Variants in MTHFD2L observed in about 807,000 individuals in gnomAD.
MTHFD2L encodes the protein bifunctional methylenetetrahydrofolate dehydrogenase/cyclohydrolase 2, mitochondrial.
A neutral mutation model predicts 34.9 loss-of-function variants in MTHFD2L; 29 were observed. That is an observed-to-expected ratio of 0.83 (90% confidence interval 0.62 to 1.13). MTHFD2L has a LOEUF of 1.13. Ranked by LOEUF, MTHFD2L falls within the 50% of genes most tolerant of loss-of-function variation. The pLI is 0.00. For missense variants in MTHFD2L, 481 were observed against 446.5 expected (o/e 1.08, Z -0.70); for synonymous variants, 167 against 155.7 (o/e 1.07, Z -0.54).
chr4:74,268,189 T>C lies in MTHFD2L; in HGVS notation c.806-13236T>C, dbSNP rs532943871. On this transcript the variant is annotated intron_variant, in intron 6 of 7. Coordinates refer to ENST00000325278, the MANE Select transcript of MTHFD2L (RefSeq NM_001144978.3). Reference sequence around the variant, plus strand: ...GGGAGAAGACACTGAGGTTTTTGTATTACTAATGTAGGCTCTATTTATCTA... The same window carrying C: ...GGGAGAAGACACTGAGGTTTTTGTACTACTAATGTAGGCTCTATTTATCTA... 1.2e-5 allele frequency: 12 copies of C among 983,270 alleles called. No homozygotes were observed. In the South Asian group the frequency reaches 4.7e-4, roughly 39 times the overall value. The allele number at this position is 983,270 out of a possible 1,614,324, so 60.9% of individuals were successfully genotyped here.
upstream of MTHFD2L, among the ~76,000 whole-genome samples, chr4:74,153,632 T>G (rs1169763087): frequency 6.6e-6 from 1 of 152,174 alleles, no homozygotes; most frequent in African/African-American, 2.4e-5. Flanking sequence ...GAGGAAATAT[T>G]AATAAATAAA....
chr4:74,294,767 T>G (rs1749425717), intron 7 of MTHFD2L, among the ~76,000 whole-genome samples: 1 of 152,118 alleles, frequency 6.6e-6, no homozygotes, highest in African/African-American at 2.4e-5. Context: ...GTCTTCAAGT[T>G]AGAATCAAGT....
At chr4:74,221,438 A>G (rs1738171178) in intron 5 of MTHFD2L, among the ~76,000 whole-genome samples, 1 of 151,694 alleles carries the variant, frequency 6.6e-6, no homozygotes, top group South Asian at 2.1e-4. Context: ...GCTTAAAGGA[A>G]TTCTATTTCT....
Position 74,255,821 on chromosome 4 carries a change from G to A in MTHFD2L, c.806-25604G>A, listed in dbSNP as rs1052711249. Among the ~76,000 whole-genome samples the A allele has an allele frequency of 1.2e-4, 19 of 152,172 alleles. 1 individual carries two copies. The highest frequency in any genetic ancestry group is 2.8e-4 in the Non-Finnish European group (19 of 68,018). The stretch of plus-strand genomic sequence containing the variant: ...AAGCTCTATCCATATTGCTGCAAAG[G>A]ACACTGTTTCATCCTTTTTTTGTGG... On this transcript the variant is annotated intron_variant, in intron 6 of 7. Coordinates refer to ENST00000325278, the MANE Select transcript of MTHFD2L (RefSeq NM_001144978.3).
intron 7 of MTHFD2L, among the ~76,000 whole-genome samples, chr4:74,299,206 A>G (rs903031110): frequency 2.6e-5 from 4 of 151,768 alleles, no homozygotes; most frequent in African/African-American, 9.7e-5. Context: ...GAAATAAATC[A>G]TTTTGTTTTC....
chr4:74,198,525 A>G (rs1199092624), intron 3 of MTHFD2L, among the ~76,000 whole-genome samples: 1 of 152,180 alleles, frequency 6.6e-6, no homozygotes, highest in African/African-American at 2.4e-5. Context: ...TCATTGTAAA[A>G]AATATCCATG....
chr4:74,198,873 G>C (rs928984170), intron 3 of MTHFD2L, among the ~76,000 whole-genome samples: 1 of 5,328 alleles, frequency 1.9e-4, no homozygotes, highest in Non-Finnish European at 3.8e-4. Flanking sequence ...TGGTTAATTA[G>C]CTTGACTTAA....
chr4:74,188,838 A>T (rs1731915016), intron 3 of MTHFD2L, among the ~76,000 whole-genome samples: 1 of 147,884 alleles, frequency 6.8e-6, no homozygotes, highest in Non-Finnish European at 1.5e-5. Flanking sequence ...GTATATATAT[A>T]TCAAAACCTA....
intron 6 of MTHFD2L, among the ~76,000 whole-genome samples, chr4:74,234,861 C>CAG (rs766559765): frequency 4.0e-5 from 6 of 150,844 alleles, no homozygotes; most frequent in African/African-American, 9.8e-5. Context: ...AAAATAAAAA[C>CAG]AGAGAGAGAG....
upstream of MTHFD2L, among the ~76,000 whole-genome samples, chr4:74,154,211 C>G (rs969400920): frequency 2.2e-4 from 33 of 152,152 alleles, no homozygotes; most frequent in African/African-American, 7.5e-4. Flanking sequence ...CACATTATAT[C>G]AAGTATCCAT....
At chr4:74,198,932 A>T (rs550354778) in intron 3 of MTHFD2L, among the ~76,000 whole-genome samples, 1 of 152,310 alleles carries the variant, frequency 6.6e-6, no homozygotes, top group South Asian at 2.1e-4. Flanking sequence ...AACCCAAGGC[A>T]TAGCTTTCTG....
upstream of MTHFD2L, among the ~76,000 whole-genome samples, chr4:74,122,553 A>T (rs1560398390): frequency 1.3e-5 from 2 of 152,204 alleles, no homozygotes; most frequent in South Asian, 4.1e-4. Context: ...CATAACAGGG[A>T]TATATTATAA....
At chr4:74,183,791 A>T (rs913082931) in intron 3 of MTHFD2L, 9 of 134,060 alleles carry the variant, frequency 6.7e-5, no homozygotes, top group Admixed American at 2.6e-4. Flanking sequence ...TTATTCATGT[A>T]TATATATGTT....
At chr4:74,235,855 C>G (rs1244615564) in intron 6 of MTHFD2L, among the ~76,000 whole-genome samples, 1 of 152,046 alleles carries the variant, frequency 6.6e-6, no homozygotes, top group Admixed American at 6.6e-5. Context: ...TTACCCCGAC[C>G]TTTATCGGCT....
intron 2 of MTHFD2L, among the ~76,000 whole-genome samples, chr4:74,117,920 A>G (rs1721682819): frequency 1.3e-5 from 2 of 152,212 alleles, no homozygotes; most frequent in African/African-American, 4.8e-5. Context: ...TCGATGATAT[A>G]ATACTCTGCT....
intron 6 of MTHFD2L, among the ~76,000 whole-genome samples, chr4:74,270,789 A>G (rs891391013): frequency 5.9e-5 from 9 of 152,138 alleles, no homozygotes; most frequent in Non-Finnish European, 1.2e-4. Flanking sequence ...TCCCACCAAC[A>G]GTGTCAAAGT....
At chr4:74,294,643 A>G (rs946947863) in intron 7 of MTHFD2L, among the ~76,000 whole-genome samples, 28 of 152,100 alleles carry the variant, frequency 1.8e-4, no homozygotes, top group African/African-American at 6.0e-4. Context: ...GGAGGCGTCC[A>G]TATAAACTGG....
At chr4:74,291,003 C>CTTATTTTTTTTTTTTTTTTTTTTTTTTT (rs1748851635) in intron 7 of MTHFD2L, among the ~76,000 whole-genome samples, 1 of 29,272 alleles carries the variant, frequency 3.4e-5, no homozygotes, top group Non-Finnish European at 6.5e-5. Flanking sequence ...TTTTCCTTTT[C>CTTATTTTTTTTTTTTTTTTTTTTTTTTT]TTTTTTTTTT....
intron 1 of MTHFD2L, among the ~76,000 whole-genome samples, chr4:74,136,712 T>C (rs1211323998): frequency 6.6e-6 from 1 of 152,126 alleles, no homozygotes; most frequent in African/African-American, 2.4e-5. Flanking sequence ...TCACACTACC[T>C]GACTTCAAAT....
Sources: allele counts gnomAD v4.1 joint callset (sites outside exome capture counted in the v4.1 genomes callset), GRCh38; gene constraint gnomAD v4.1.1; transcripts MANE v1.5; gene names NCBI Gene and HGNC (gene_info 2026-07-23, HGNC 2026-07-21).